The following CHIT1 variants were observed in gnomAD, a reference collection of about 807,000 sequenced individuals.
CHIT1 encodes the protein chitotriosidase-1.
CHIT1 carries 47 observed loss-of-function variants against 52.0 expected under a neutral mutation model. The ratio of observed to expected loss-of-function variants is 0.90; its 90% confidence interval spans 0.71 to 1.15. CHIT1 has a LOEUF of 1.15. Among genes scored for constraint, CHIT1 ranks in the 50% most tolerant of loss-of-function variants. The pLI, the probability that CHIT1 is intolerant of heterozygous loss-of-function variation, is 0.00. For missense variants in CHIT1, 569 were observed against 583.0 expected, an observed-to-expected ratio of 0.98 and a Z score of 0.25; for synonymous variants, 242 against 228.2, an observed-to-expected ratio of 1.06 and a Z score of -0.54.
At chr1:203,229,141 T>C (rs1657042275) in intron 1 of CHIT1, among the ~76,000 whole-genome samples, 1 of 152,162 alleles carries the variant, frequency 6.6e-6, no homozygotes, top group South Asian at 2.1e-4. Flanking sequence ...GTCAACCTAA[T>C]AGAACCTCCA....
Position 203,217,075 on chromosome 1 carries a change from G to A in CHIT1, c.1215C>T (p.Pro405=). ...GGCTGGGGCCATGCTCAGGTTCAGA[G>A]GGCTGACCTGGTTTTGGAACTTCAA... ...PELEVPKPGQ[P]SEPEHGPSPG... The change falls in exon 11 of 11, where the codon CCC becomes CCT. Residue 405 remains proline (P), a synonymous_variant. Coordinates refer to ENST00000367229, the MANE Select transcript of CHIT1 (RefSeq NM_003465.3). 6.2e-7 allele frequency: 1 copy of A among 1,613,114 alleles called. No homozygotes were observed. The highest frequency in any genetic ancestry group is 8.5e-7 in the Non-Finnish European group (1 of 1,180,042).
Position 203,217,285 on chromosome 1 carries a change from C to T in CHIT1, c.1157-152G>A, listed in dbSNP as rs559833668. ...GCCAGATACCCCAGGCAGAGAACAG[C>T]CAGACAACAGCCATACCTACAGCTG... is the stretch of plus-strand genomic sequence containing the variant. On this transcript the variant is annotated intron_variant, in intron 10 of 10. Coordinates refer to ENST00000367229, the MANE Select transcript of CHIT1 (RefSeq NM_003465.3). The T allele has an allele frequency of 2.3e-5, 35 of 1,551,378 alleles. No individual in the cohort carries two copies. In the South Asian group the frequency reaches 3.9e-4, roughly 17 times the overall value.
Position 203,222,245 on chromosome 1 carries a change from T to A in CHIT1, c.686A>T (p.Tyr229Phe). The change falls in exon 7 of 11, where the codon TAC becomes TTC. Residue 229 changes from tyrosine (Y) to phenylalanine (F), a missense_variant. Coordinates refer to ENST00000367229, the MANE Select transcript of CHIT1 (RefSeq NM_003465.3). ...EKVTGHNSPL[Y>F]KRQEESGAAA... is the part of the protein sequence containing the mutation. ...TGCACCACTCTCTTCTTGCCTCTTGTAGAGGGGGCTGTTATGTCCCGTGAC... is the reference window on the plus strand; with the variant it reads ...TGCACCACTCTCTTCTTGCCTCTTGAAGAGGGGGCTGTTATGTCCCGTGAC... 5.0e-6 allele frequency: 8 copies of A among 1,614,138 alleles called. No homozygotes were observed. The highest frequency in any genetic ancestry group is 6.8e-6 in the Non-Finnish European group (8 of 1,180,028).
chr1:203,221,522 G>A lies in CHIT1; in HGVS notation c.729+680C>T, dbSNP rs1055438467. 5.2e-4 allele frequency among the ~76,000 whole-genome samples: 79 copies of A among 152,246 alleles called. 1 individual carries two copies. Among genetic ancestry groups the A allele is most frequent in the African/African-American group, 1.8e-3 (73 of 41,540 alleles). On this transcript the variant is annotated intron_variant, in intron 7 of 10. Transcript: ENST00000367229. ...AGTGATCCCAGTTACTCAGGAGGCT[G>A]GGGCAGGAGGATCGCTTAAGCCTGG...
At position 203,217,877 on chromosome 1, in the gene CHIT1, G is replaced by C; in HGVS notation, c.1030-12C>G. 1 of 1,363,684 alleles carries C rather than the reference G, an allele frequency of 7.3e-7. No homozygotes were observed. The highest frequency in any genetic ancestry group is 1.4e-5 in the African/African-American group (1 of 72,462). 84.5% of individuals were successfully genotyped at this position (1,363,684 alleles called of 1,614,324 possible). On this transcript the variant is annotated splice_polypyrimidine_tract_variant and intron_variant, in intron 9 of 10. Coordinates refer to ENST00000367229, the MANE Select transcript of CHIT1 (RefSeq NM_003465.3). Reference sequence around the variant, plus strand: ...TTCAGATAGCTGACCTGTGCAGGGAGGGGATGCAGTGGAGGAGCCCGGGGA... The same window carrying C: ...TTCAGATAGCTGACCTGTGCAGGGACGGGATGCAGTGGAGGAGCCCGGGGA...
chr1:203,229,732 T>C, upstream of CHIT1: 1 of 1,453,158 alleles, frequency 6.9e-7, no homozygotes, highest in Non-Finnish European at 9.6e-7. Context: ...CAGCCAGGAG[T>C]GTTGCAATCA....
chr1:203,228,134 C>T (rs1203938866), intron 2 of CHIT1, among the ~76,000 whole-genome samples: 1 of 152,234 alleles, frequency 6.6e-6, no homozygotes, highest in Non-Finnish European at 1.5e-5. Context: ...CCAGATGAGA[C>T]TTAGGTTCCT....
In CHIT1 at chr1:203,222,991, T is replaced by C; in HGVS notation, c.605+144A>G. The C allele has an allele frequency of 1.8e-5, 20 of 1,123,648 alleles. No homozygotes were observed. The South Asian group carries it at 2.4e-4, about 13-fold the overall frequency. 69.6% of individuals were successfully genotyped at this position (1,123,648 alleles called of 1,614,324 possible). A position where few individuals can be genotyped will look rare whatever the true frequency, so the allele number is the denominator to read the frequency against. ...TACCCTGAGTACAAAAGCAGGGAAT[T>C]TTCTGCTTTTGTTCTGGTGTAAGGA... On this transcript the variant is annotated intron_variant, in intron 6 of 10. Transcript: ENST00000367229.
At chr1:203,228,151 C>A (rs535246166) in intron 2 of CHIT1, among the ~76,000 whole-genome samples, 1 of 152,352 alleles carries the variant, frequency 6.6e-6, no homozygotes, top group African/African-American at 2.4e-5. Flanking sequence ...TCCTTACCTG[C>A]AGCAACTTGG....
At position 203,217,265 on chromosome 1, in the gene CHIT1, A is replaced by T. The variant is rs546467529; in HGVS notation, c.1157-132T>A. ...TGCCCTACAGGCTGAGTACAGCCAG[A>T]TACCCCAGGCAGAGAACAGCCAGAC... On this transcript the variant is annotated intron_variant, in intron 10 of 10. Coordinates refer to ENST00000367229, the MANE Select transcript of CHIT1 (RefSeq NM_003465.3). 109 of 1,571,366 alleles carry T rather than the reference A, an allele frequency of 6.9e-5. No individual in the cohort carries two copies. The African/African-American group carries it at 1.4e-3, about 20-fold the overall frequency.
At chr1:203,220,815 C>G (rs973202487) in intron 7 of CHIT1, among the ~76,000 whole-genome samples, 2 of 152,232 alleles carry the variant, frequency 1.3e-5, no homozygotes, top group Non-Finnish European at 2.9e-5. Context: ...CACTTTTGTG[C>G]AAGTTGGGAA....
chr1:203,228,599 G>A (rs1448991191), intron 1 of CHIT1, 37 bp from the exon 2 acceptor site: 3 of 1,566,508 alleles, frequency 1.9e-6, no homozygotes, highest in Non-Finnish European at 1.7e-6. Flanking sequence ...GGGTTATGCT[G>A]CCATTCTCAC....
intron 10 of CHIT1, 58 bp downstream of exon 10, chr1:203,217,681 G>A: frequency 6.2e-7 from 1 of 1,613,452 alleles, no homozygotes; most frequent in South Asian, 1.1e-5. Context: ...TGGATGCATG[G>A]AGCTGTGTTT....
chr1:203,216,444 C>A lies in CHIT1; in HGVS notation c.*445G>T, dbSNP rs1417109529. 4.4e-6 allele frequency: 2 copies of A among 455,354 alleles called. No individual in the cohort carries two copies. Among genetic ancestry groups the A allele is most frequent in the Non-Finnish European group, 8.8e-6 (2 of 227,726 alleles). The allele number at this position is 455,354 out of a possible 1,614,324, so 28.2% of individuals were successfully genotyped here. On this transcript the variant is annotated 3_prime_UTR_variant, in exon 11 of 11. Transcript: ENST00000367229. ...GTCCGCAGAAGCTCCTGTTTCCAGG[C>A]TTCTGAGCCAATAACCAAAGAACGT...
chr1:203,229,320 T>C (rs1657048155), intron 1 of CHIT1, among the ~76,000 whole-genome samples: 1 of 152,144 alleles, frequency 6.6e-6, no homozygotes, highest in South Asian at 2.1e-4. Context: ...AGGGGCCTCA[T>C]TGACTCTGGG....
At chr1:203,225,164 G>A (rs1000202023) in intron 3 of CHIT1, 60 bp from the exon 4 acceptor site, 1 of 1,546,888 alleles carries the variant, frequency 6.5e-7, no homozygotes, top group Non-Finnish European at 8.9e-7. Flanking sequence ...CACCCTGGCA[G>A]GGATGTTACA....
chr1:203,225,974 A>G (rs1656916269), intron 2 of CHIT1, 104 bp from the exon 3 acceptor site: 1 of 1,227,710 alleles, frequency 8.1e-7, no homozygotes, highest in African/African-American at 1.5e-5. Context: ...TCCCTCTTCT[A>G]CACCTGGAGT....
chr1:203,218,973 A>G (rs1358026383), intron 9 of CHIT1, among the ~76,000 whole-genome samples: 4 of 152,250 alleles, frequency 2.6e-5, no homozygotes, highest in African/African-American at 7.2e-5. Flanking sequence ...TAGAATTTGT[A>G]TGGTATTTAA....
chr1:203,217,446 A>T, intron 10 of CHIT1: 1 of 1,369,728 alleles, frequency 7.3e-7, no homozygotes, highest in Non-Finnish European at 9.9e-7. Flanking sequence ...GCTTTCTCCC[A>T]GGTAAGAGAG....
Sources: gnomAD v4.1 joint callset for allele counts (sites outside exome capture counted in the v4.1 genomes callset) on GRCh38, gnomAD v4.1.1 for gene constraint, MANE v1.5 for transcripts, NCBI Gene and HGNC (gene_info 2026-07-23, HGNC 2026-07-21) for gene names.